STRN: variants seen among roughly 807,000 people sequenced by gnomAD.
STRN encodes striatin, also known as protein phosphatase 2 regulatory subunit B'''alpha.
STRN carries 53 observed loss-of-function variants against 96.3 expected under a neutral mutation model. The observed-to-expected ratio is 0.55, with a 90% CI of 0.44 to 0.69. The LOEUF (loss-of-function observed/expected upper bound fraction) is 0.69. STRN is among the 30% of genes least tolerant of loss of function. STRN has a pLI of 0.00. For synonymous variants in STRN, 428 were observed against 355.9 expected (o/e 1.20, Z -2.28); for missense variants, 987 against 963.9 (o/e 1.02, Z -0.32).
At position 36,902,715 on chromosome 2, in the gene STRN, T is replaced by G. The variant is rs765501168; in HGVS notation, c.528A>C (p.Leu176=). 4.3e-6 allele frequency: 7 copies of G among 1,610,478 alleles called. No homozygotes were observed. The Admixed American group carries it at 1.2e-4, about 27-fold the overall frequency. Residue 176 remains leucine, a synonymous_variant, in exon 5 of 18, where the codon CTA becomes CTC. Coordinates refer to ENST00000263918, the MANE Select transcript of STRN (RefSeq NM_003162.4). ...LQEVGYTDTI[L]DVKSKRVRAL... ...CTCGCACTCGTTTAGATTTCACATC[T>G]AGAATAGTATCTGTATAACCCACCT...
intron 1 of STRN, among the ~76,000 whole-genome samples, chr2:36,944,007 C>T (rs1284499118): frequency 6.6e-6 from 1 of 152,014 alleles, no homozygotes; most frequent in Non-Finnish European, 1.5e-5. Flanking sequence ...GTAATCCCAG[C>T]TACTTGGGAG....
At chr2:36,909,572 G>T (rs536791515) in intron 3 of STRN, among the ~76,000 whole-genome samples, 26 of 152,228 alleles carry the variant, frequency 1.7e-4, no homozygotes, top group African/African-American at 6.0e-4. Flanking sequence ...ACACCACCTA[G>T]AGAGAGTTTC....
At chr2:36,924,548 G>A (rs949218634) in intron 2 of STRN, among the ~76,000 whole-genome samples, 3 of 151,966 alleles carry the variant, frequency 2.0e-5, no homozygotes, top group African/African-American at 7.3e-5. Flanking sequence ...GAGCATATTT[G>A]CTTCTTCAAA....
At chr2:36,930,503 G>C (rs1670544486) in intron 1 of STRN, among the ~76,000 whole-genome samples, 1 of 151,756 alleles carries the variant, frequency 6.6e-6, no homozygotes, top group Non-Finnish European at 1.5e-5. Context: ...CAGATGACTT[G>C]TTAAAACACA....
intron 6 of STRN, among the ~76,000 whole-genome samples, chr2:36,899,219 A>G (rs1455407851): frequency 6.6e-6 from 1 of 152,232 alleles, no homozygotes; most frequent in Non-Finnish European, 1.5e-5. Context: ...ATTCTCTTGT[A>G]ACAACCAATA....
At chr2:36,917,547 A>AG (rs1469974633) in intron 2 of STRN, among the ~76,000 whole-genome samples, 7 of 151,366 alleles carry the variant, frequency 4.6e-5, no homozygotes, top group African/African-American at 1.5e-4. Context: ...AGAAAAAAAA[A>AG]AAAAAAGAAA....
chr2:36,873,250 G>A (rs1371123767), intron 10 of STRN, among the ~76,000 whole-genome samples: 1 of 152,216 alleles, frequency 6.6e-6, no homozygotes, highest in African/African-American at 2.4e-5. Flanking sequence ...CATTTGGTCT[G>A]AAGTTATTTC....
chr2:36,875,090 A>G (rs1340438668), intron 10 of STRN, among the ~76,000 whole-genome samples: 1 of 152,218 alleles, frequency 6.6e-6, no homozygotes, highest in Non-Finnish European at 1.5e-5. Flanking sequence ...AATTAAAAGC[A>G]TTATAAGGTC....
chr2:36,924,099 G>A (rs1043087295), intron 2 of STRN, among the ~76,000 whole-genome samples: 1 of 152,158 alleles, frequency 6.6e-6, no homozygotes, highest in Non-Finnish European at 1.5e-5. Flanking sequence ...GCTCACGCCT[G>A]TAATCCCAGC....
chr2:36,930,831 T>C (rs1360531488), intron 1 of STRN, among the ~76,000 whole-genome samples: 2 of 151,952 alleles, frequency 1.3e-5, no homozygotes, highest in Admixed American at 1.3e-4. Flanking sequence ...TCAGGAGTTC[T>C]TAACCAGCCT....
intron 1 of STRN, among the ~76,000 whole-genome samples, chr2:36,965,967 G>A (rs1226371697): frequency 6.6e-6 from 1 of 152,100 alleles, no homozygotes; most frequent in East Asian, 1.9e-4. Flanking sequence ...AAATGAGTCT[G>A]GGAGTTAAGA....
chr2:36,867,889 T>C (rs767624748), intron 11 of STRN, 28 bp from the exon 12 acceptor site: 14 of 1,546,578 alleles, frequency 9.1e-6, no homozygotes, highest in Non-Finnish European at 1.2e-5. Context: ...GACTTTACCA[T>C]TCTAAGTGTC....
chr2:36,897,969 G>A (rs1558643230), intron 6 of STRN, among the ~76,000 whole-genome samples: 1 of 152,016 alleles, frequency 6.6e-6, no homozygotes, highest in Non-Finnish European at 1.5e-5. Context: ...GGGGTTACAG[G>A]CACAAGCCAC....
rs577859720 is a variant in STRN, at chr2:36,921,178, T to A, written c.338+3927A>T. Among the ~76,000 whole-genome samples, 3 of 152,298 alleles carry A rather than the reference T, an allele frequency of 2.0e-5. No homozygotes were observed. In the South Asian group the frequency reaches 6.2e-4, roughly 32 times the overall value. On this transcript the variant is annotated intron_variant, in intron 2 of 17. Coordinates refer to ENST00000263918, the MANE Select transcript of STRN (RefSeq NM_003162.4). ...CTGGCTCATGTTCCTGCTGCCTTAC[T>A]GAGGCTGCTTTAGTAAGGGTACCAA...
At chr2:36,920,308 T>C (rs1670218951) in intron 2 of STRN, among the ~76,000 whole-genome samples, 1 of 152,128 alleles carries the variant, frequency 6.6e-6, no homozygotes, top group Non-Finnish European at 1.5e-5. Flanking sequence ...TGCCATAACA[T>C]CAAGAATAAT....
chr2:36,867,839 G>A lies in STRN; in HGVS notation c.1522C>T (p.Pro508Ser). 5.6e-6 allele frequency: 9 copies of A among 1,593,110 alleles called. No homozygotes were observed. Among genetic ancestry groups the A allele is most frequent in the Non-Finnish European group, 7.7e-6 (9 of 1,170,998 alleles). Residue 508 changes from proline (P) to serine (S), a missense_variant, in exon 12 of 18, where the codon CCT (proline) becomes TCT (serine). Physicochemically the swap from Pro to Ser is moderately conservative, Grantham distance 74. Coordinates refer to ENST00000263918, the MANE Select transcript of STRN (RefSeq NM_003162.4). Reference protein sequence around the residue: ...AKKSTSLDVEPIYTFRAHKGP... With the variant: ...AKKSTSLDVESIYTFRAHKGP... ...TTATGGGCTCTGAATGTATAGATAGGTTCTACATCAAGAGAAGTGCTCCTA... is the reference window on the plus strand; with the variant it reads ...TTATGGGCTCTGAATGTATAGATAGATTCTACATCAAGAGAAGTGCTCCTA...
chr2:36,936,482 G>A (rs1308885056), intron 1 of STRN, among the ~76,000 whole-genome samples: 1 of 152,130 alleles, frequency 6.6e-6, no homozygotes, highest in African/African-American at 2.4e-5. Context: ...ATGACTAAGT[G>A]AATGAACACG....
intron 7 of STRN, among the ~76,000 whole-genome samples, chr2:36,887,277 A>ATAAATAAATAAG (rs1669261619): frequency 7.0e-6 from 1 of 143,862 alleles, no homozygotes; most frequent in African/African-American, 2.5e-5. Context: ...AAATAAATAA[A>ATAAATAAATAAG]TAAATAAATA....
intron 12 of STRN, among the ~76,000 whole-genome samples, chr2:36,864,745 C>G (rs1668579187): frequency 1.3e-5 from 2 of 152,168 alleles, no homozygotes; most frequent in Non-Finnish European, 2.9e-5. Flanking sequence ...TTTCATCACT[C>G]TTGTCGCCCA....
Sources: gnomAD v4.1 joint callset for allele counts (sites outside exome capture counted in the v4.1 genomes callset) on GRCh38, gnomAD v4.1.1 for gene constraint, MANE v1.5 for transcripts, NCBI Gene and HGNC (gene_info 2026-07-23, HGNC 2026-07-21) for gene names.